Variants in DMD observed in about 807,000 individuals in gnomAD.
The protein encoded by DMD is dystrophin, also known as mutant dystrophin.
DMD carries 63 observed loss-of-function variants against 330.1 expected under a neutral mutation model. The observed-to-expected ratio is 0.19, with a 90% CI of 0.16 to 0.24. DMD has a LOEUF of 0.24. Ranked by LOEUF, DMD falls within the 10% of genes least tolerant of loss-of-function variation. The pLI, the probability that DMD is intolerant of heterozygous loss-of-function variation, is 1.00. For synonymous variants in DMD, 1,223 were observed against 959.8 expected, an observed-to-expected ratio of 1.27 and a Z score of -5.07; for missense variants, 3,344 against 2,684.1, an observed-to-expected ratio of 1.25 and a Z score of -5.43.
chrX:32,265,262 C>T (rs2097339802), intron 43 of DMD, among the ~76,000 whole-genome samples: 1 of 112,597 alleles, frequency 8.9e-6, no homozygotes, highest in Non-Finnish European at 1.9e-5. Flanking sequence ...TAGAGCTCAG[C>T]CCATGGCTAC....
At chrX:32,429,396 T>A (rs1368278217) in intron 29 of DMD, among the ~76,000 whole-genome samples, 1 of 79,180 alleles carries the variant, frequency 1.3e-5, no homozygotes, top group African/African-American at 4.8e-5. Context: ...GGTTTTTTTT[T>A]TTTTTTTTTT....
intron 7 of DMD, among the ~76,000 whole-genome samples, chrX:32,714,111 A>T (rs1270580506): frequency 8.9e-6 from 1 of 111,850 alleles, no homozygotes; most frequent in Non-Finnish European, 1.9e-5. Flanking sequence ...ACCATCATAA[A>T]GTTGAAAAAT....
intron 60 of DMD, among the ~76,000 whole-genome samples, chrX:31,384,335 C>G (rs2060341612): frequency 9.1e-6 from 1 of 110,093 alleles, no homozygotes; most frequent in Non-Finnish European, 1.9e-5. Context: ...ACTACTACTA[C>G]TACTACTACT....
Position 31,797,863 on chromosome X carries a change from G to A in DMD, c.7309+22112C>T, listed in dbSNP as rs191705156. ...TATAAAGAACCAGGAAGATTTATAG[G>A]TGGTAAGAATTGGAAGTGACCAACT... On this transcript the variant is annotated intron_variant, in intron 50 of 78. Coordinates refer to ENST00000357033, the MANE Select transcript of DMD (RefSeq NM_004006.3). Among the ~76,000 whole-genome samples, 15 of 111,921 alleles carry A rather than the reference G, an allele frequency of 1.3e-4. No homozygotes were observed. In the East Asian group the frequency reaches 4.2e-3, roughly 31 times the overall value.
intron 7 of DMD, among the ~76,000 whole-genome samples, chrX:32,775,614 G>A (rs2074060333): frequency 8.8e-6 from 1 of 113,151 alleles, no homozygotes; most frequent in Admixed American, 9.3e-5. Context: ...CAAGGCTGGA[G>A]CTGAAGCAGC....
chrX:32,061,439 C>G (rs1324470993), intron 44 of DMD, among the ~76,000 whole-genome samples: 1 of 111,390 alleles, frequency 9.0e-6, no homozygotes, highest in Non-Finnish European at 1.9e-5. Context: ...GTTCTGAAAA[C>G]AGTATGAAAC....
chrX:31,190,432 C>T (rs1478245027), intron 67 of DMD, among the ~76,000 whole-genome samples: 2 of 108,872 alleles, frequency 1.8e-5, no homozygotes, highest in Non-Finnish European at 3.8e-5. Flanking sequence ...TCTTGTGGGG[C>T]GATTTTAGAA....
chrX:32,553,514 T>C (rs1383003691), intron 16 of DMD, among the ~76,000 whole-genome samples: 4 of 110,789 alleles, frequency 3.6e-5, no homozygotes, highest in Non-Finnish European at 7.6e-5. Flanking sequence ...CCCTGTGACA[T>C]GCAATTTATC....
intron 63 of DMD, among the ~76,000 whole-genome samples, chrX:31,255,857 C>A (rs1002771331): frequency 1.4e-4 from 14 of 102,977 alleles, no homozygotes; most frequent in African/African-American, 3.2e-4. Flanking sequence ...CTCATTGCAA[C>A]CTCCGACTCC....
chrX:32,492,286 G>A lies in DMD; in HGVS notation c.2381-768C>T, dbSNP rs61528875. ...CCGGGAGGCGGAGCTTGCAGTGAGC[G>A]GAGATCGCGCCACTGCACTCCAGCC... On this transcript the variant is annotated intron_variant, in intron 19 of 78. Transcript: ENST00000357033. 0.012 allele frequency among the ~76,000 whole-genome samples: 1,394 copies of A among 112,123 alleles called. 43 individuals carry two copies. In the East Asian group the frequency reaches 0.14, roughly 12 times the overall value.
intron 2 of DMD, among the ~76,000 whole-genome samples, chrX:32,970,421 T>C (rs1270716817): frequency 1.1e-5 from 1 of 94,012 alleles, no homozygotes; most frequent in Non-Finnish European, 2.0e-5. Context: ...AAACATCTCA[T>C]GTACCCCATA....
chrX:32,056,687 T>C (rs1437122636), intron 44 of DMD, among the ~76,000 whole-genome samples: 2 of 110,816 alleles, frequency 1.8e-5, no homozygotes, highest in Non-Finnish European at 3.8e-5. Context: ...TGAAATCTAA[T>C]GAACAGTTAA....
At chrX:31,715,119 G>A (rs1291172471) in intron 52 of DMD, among the ~76,000 whole-genome samples, 3 of 109,521 alleles carry the variant, frequency 2.7e-5, no homozygotes, top group African/African-American at 1.0e-4. Context: ...ACATTTTAAT[G>A]AGTTCTCTGT....
intron 37 of DMD, among the ~76,000 whole-genome samples, chrX:32,360,971 G>A: frequency 9.0e-6 from 1 of 110,874 alleles, no homozygotes; most frequent in Non-Finnish European, 1.9e-5. Flanking sequence ...TCACAAACTT[G>A]TCTTGGTCAC....
At chrX:31,349,885 C>T (rs976904413) in intron 60 of DMD, among the ~76,000 whole-genome samples, 1 of 111,258 alleles carries the variant, frequency 9.0e-6, no homozygotes, top group African/African-American at 3.3e-5. Context: ...AGGTAAAAAT[C>T]GATGTTAATC....
rs1557075784 is a variant in DMD at position 32,027,164 on chromosome X, G to GCGCACACACA, written c.6439-58651_6439-58650insTGTGTGTGCG. Among the ~76,000 whole-genome samples the GCGCACACACA allele has an allele frequency of 9.4e-3, 837 of 89,400 alleles. 28 individuals are homozygous for GCGCACACACA. In the East Asian group the frequency reaches 0.16, roughly 18 times the overall value. 77.6% of individuals were successfully genotyped at this position (89,400 alleles called of 115,157 possible). On this transcript the variant is annotated intron_variant, in intron 44 of 78. Transcript: ENST00000357033. Reference sequence around the variant, plus strand: ...TTATGACACACACACACACGCACGTGCACACACACACACACACACAGAGAG... The same window carrying GCGCACACACA: ...TTATGACACACACACACACGCACGTGCGCACACACACACACACACACACACACACAGAGAG...
rs1348127273 is a variant in DMD, at chrX:32,301,051, A to G, written c.6117+9031T>C. On this transcript the variant is annotated intron_variant, in intron 42 of 78. Transcript: ENST00000357033. Reference sequence around the variant, plus strand: ...TGCAAAAATTAATATTGATGACAGTAAACTATTTTGGTAAAACAGAAAACA... The same window carrying G: ...TGCAAAAATTAATATTGATGACAGTGAACTATTTTGGTAAAACAGAAAACA... Among the ~76,000 whole-genome samples the G allele has an allele frequency of 2.7e-5, 3 of 110,142 alleles. No individual in the cohort carries two copies. The Admixed American group carries it at 2.9e-4, about 11-fold the overall frequency.
At chrX:32,909,259 A>C (rs1027799547) in intron 2 of DMD, among the ~76,000 whole-genome samples, 2 of 110,989 alleles carry the variant, frequency 1.8e-5, no homozygotes, top group African/African-American at 3.3e-5. Flanking sequence ...GTTCACTGCT[A>C]TAAGAATTTC....
chrX:31,543,903 G>C, intron 55 of DMD, among the ~76,000 whole-genome samples: 1 of 111,498 alleles, frequency 9.0e-6, no homozygotes, highest in Middle Eastern at 4.6e-3. Context: ...AATTTGGTGA[G>C]GTTAAAGAAA....
Sources: gnomAD v4.1 joint callset for allele counts (sites outside exome capture counted in the v4.1 genomes callset) on GRCh38, gnomAD v4.1.1 for gene constraint, MANE v1.5 for transcripts, NCBI Gene and HGNC (gene_info 2026-07-23, HGNC 2026-07-21) for gene names.